The following PLXNA4 variants were observed in gnomAD, a reference collection of about 807,000 sequenced individuals.
The protein encoded by PLXNA4 is plexin-A4.
Under a neutral mutation model 191.8 loss-of-function variants are expected in PLXNA4, and 44 were observed. The observed-to-expected ratio is 0.23, with a 90% CI of 0.18 to 0.29. The LOEUF is 0.29. PLXNA4 is among the 10% of genes least tolerant of loss of function. PLXNA4 has a pLI of 1.00. For synonymous variants in PLXNA4, 1,082 were observed against 1,009.5 expected (o/e 1.07, Z -1.36); for missense variants, 1,800 against 2,488.8 (o/e 0.72, Z 5.89).
At chr7:132,449,027 A>G (rs1178574233) in intron 3 of PLXNA4, among the ~76,000 whole-genome samples, 1 of 95,806 alleles carries the variant, frequency 1.0e-5, no homozygotes, top group Non-Finnish European at 1.7e-5. Flanking sequence ...TTTGAATTGA[A>G]TTGGATTGGT....
At chr7:132,607,809 C>G (rs1802956779) in intron 2 of PLXNA4, among the ~76,000 whole-genome samples, 1 of 152,042 alleles carries the variant, frequency 6.6e-6, no homozygotes, top group African/African-American at 2.4e-5. Context: ...TCATCACTAT[C>G]ACCATCACTG....
chr7:132,553,243 T>C (rs1369054057), intron 1 of PLXNA4, among the ~76,000 whole-genome samples: 1 of 152,190 alleles, frequency 6.6e-6, no homozygotes, highest in African/African-American at 2.4e-5. Flanking sequence ...TTTCCTGGAA[T>C]GACAGGGAGG....
intron 5 of PLXNA4, among the ~76,000 whole-genome samples, chr7:132,229,537 A>C (rs907111431): frequency 6.6e-6 from 1 of 152,156 alleles, no homozygotes; most frequent in Non-Finnish European, 1.5e-5. Context: ...GGTGGGGGCA[A>C]GCAGGGTCCT....
chr7:132,579,939 G>C (rs1802370974), upstream of PLXNA4, among the ~76,000 whole-genome samples: 1 of 152,140 alleles, frequency 6.6e-6, no homozygotes, highest in African/African-American at 2.4e-5. Context: ...GAATGGAATG[G>C]GGTGGGATGA....
intron 4 of PLXNA4, among the ~76,000 whole-genome samples, chr7:132,258,429 C>T (rs773914954): frequency 5.3e-5 from 8 of 152,202 alleles, no homozygotes; most frequent in African/African-American, 1.4e-4. Flanking sequence ...AATGGGCTGG[C>T]GTCAGGCCGT....
chr7:132,496,665 G>C (rs1798024863), intron 2 of PLXNA4, among the ~76,000 whole-genome samples: 1 of 152,162 alleles, frequency 6.6e-6, no homozygotes, highest in Admixed American at 6.5e-5. Flanking sequence ...CTCCCAAAAT[G>C]CTGAGATTAT....
At chr7:132,556,751 T>C (rs1199496375) in intron 1 of PLXNA4, among the ~76,000 whole-genome samples, 1 of 152,244 alleles carries the variant, frequency 6.6e-6, no homozygotes, top group African/African-American at 2.4e-5. Context: ...TTTCATACTT[T>C]TATCCGTAAG....
intron 27 of PLXNA4, 79 bp downstream of exon 27, chr7:132,147,821 G>A (rs749530109): frequency 6.3e-7 from 1 of 1,592,200 alleles, no homozygotes; most frequent in Non-Finnish European, 8.6e-7. Flanking sequence ...AGAGTCTCCT[G>A]CCTTCTGGCT....
chr7:132,144,007 C>G (rs1425350322), intron 29 of PLXNA4, among the ~76,000 whole-genome samples: 1 of 152,130 alleles, frequency 6.6e-6, no homozygotes, highest in Non-Finnish European at 1.5e-5. Flanking sequence ...AGTTTTGGTA[C>G]CAAAGCCTGA....
chr7:132,557,168 C>A (rs1187105722), intron 1 of PLXNA4, among the ~76,000 whole-genome samples: 1 of 152,208 alleles, frequency 6.6e-6, no homozygotes, highest in Non-Finnish European at 1.5e-5. Flanking sequence ...ATCCACACCT[C>A]CTGCAGATGG....
At chr7:132,617,289 G>A (rs1441468717) in intron 2 of PLXNA4, among the ~76,000 whole-genome samples, 1 of 152,112 alleles carries the variant, frequency 6.6e-6, no homozygotes, top group Non-Finnish European at 1.5e-5. Context: ...GTGGTTTGAG[G>A]GATGGGGTCA....
chr7:132,594,962 GATA>G (rs1425076421), intron 2 of PLXNA4, among the ~76,000 whole-genome samples: 2 of 124,700 alleles, frequency 1.6e-5, no homozygotes, highest in Non-Finnish European at 3.6e-5. Context: ...TAGATAGATA[GATA>G]ATTGATAGAT....
At chr7:132,220,810 C>CTTT (rs35090579) in intron 9 of PLXNA4, among the ~76,000 whole-genome samples, 6 of 100,788 alleles carry the variant, frequency 6.0e-5, no homozygotes, top group African/African-American at 1.2e-4. Context: ...TTATTTTATT[C>CTTT]TTTTTTTTTT....
At chr7:132,405,072 A>ATG (rs55647746) in intron 3 of PLXNA4, among the ~76,000 whole-genome samples, 127,737 of 149,150 alleles carry the variant, frequency 0.86, 54,707 homozygotes, top group East Asian at 0.99. Context: ...GTGTGTGTGT[A>ATG]TGTGTGTGTG....
rs1324107003 is a variant in PLXNA4 at position 132,140,790 on chromosome 7, G to C, written c.5247C>G (p.Val1749=). 8 of 1,614,066 alleles carry C rather than the reference G, an allele frequency of 5.0e-6. No homozygotes were observed. Among genetic ancestry groups the C allele is most frequent in the Non-Finnish European group, 6.8e-6 (8 of 1,180,010 alleles). The part of the protein sequence containing the change: ...KSNCLPLRFW[V]NMIKNPQFVF... Reference sequence around the variant, plus strand: ...CAAACTGCGGGTTCTTGATCATGTTGACCCAAAACCTCAGGGGCAGGCTGC... The same window carrying C: ...CAAACTGCGGGTTCTTGATCATGTTCACCCAAAACCTCAGGGGCAGGCTGC... The change falls in exon 30 of 32, where the codon GTC becomes GTG. Residue 1749 remains valine (V), a synonymous_variant. Coordinates refer to ENST00000321063, the MANE Select transcript of PLXNA4 (RefSeq NM_020911.2).
intron 1 of PLXNA4, among the ~76,000 whole-genome samples, chr7:132,563,867 CCTCTT>C (rs1483816417): frequency 9.3e-6 from 1 of 107,740 alleles, no homozygotes; most frequent in East Asian, 3.5e-4. Flanking sequence ...CTCCTCCTCT[CCTCTT>C]CCTCCTCCTC....
chr7:132,577,272 C>T (rs914204961), upstream of PLXNA4: 2 of 151,902 alleles, frequency 1.3e-5, no homozygotes, highest in East Asian at 3.9e-4. Context: ...CGCCGGAGCT[C>T]CCGGGCTGCC....
In PLXNA4 at chr7:132,140,817, T is replaced by A. The variant is rs1353740652; in HGVS notation, c.5226-6A>T. The A allele has an allele frequency of 1.2e-6, 2 of 1,613,430 alleles. No homozygotes were observed. On this transcript the variant is annotated splice_polypyrimidine_tract_variant and splice_region_variant and intron_variant, in intron 29 of 31. Coordinates refer to ENST00000321063, the MANE Select transcript of PLXNA4 (RefSeq NM_020911.2). ...CCCAAAACCTCAGGGGCAGGCTGCGTGGAAGGAAGAGGCAGATGGTCAGGA... is the reference window on the plus strand; with the variant it reads ...CCCAAAACCTCAGGGGCAGGCTGCGAGGAAGGAAGAGGCAGATGGTCAGGA...
chr7:132,494,684 C>A (rs1242969391), intron 2 of PLXNA4, among the ~76,000 whole-genome samples: 5 of 152,188 alleles, frequency 3.3e-5, no homozygotes, highest in African/African-American at 1.2e-4. Flanking sequence ...GCAAAGGTTA[C>A]CGTGCAATTA....
Sources: allele counts gnomAD v4.1 joint callset (sites outside exome capture counted in the v4.1 genomes callset), GRCh38; gene constraint gnomAD v4.1.1; transcripts MANE v1.5; gene names NCBI Gene and HGNC (gene_info 2026-07-23, HGNC 2026-07-21).